PFDN1: variants seen among roughly 807,000 people sequenced by gnomAD.
The protein encoded by PFDN1 is prefoldin subunit 1, also known as prefoldin 1.
Under a neutral mutation model 17.3 loss-of-function variants are expected in PFDN1, and 6 were observed. The ratio of observed to expected loss-of-function variants is 0.35; its 90% CI spans 0.19 to 0.69. PFDN1 has a LOEUF of 0.69. PFDN1 is among the 30% of genes least tolerant of loss of function. The probability of loss-of-function intolerance (pLI) is 0.65; values close to 1 mark genes in which losing one functional copy is unlikely to be tolerated. For missense variants in PFDN1, 113 were observed against 146.2 expected (o/e 0.77, Z 1.17); for synonymous variants, 58 against 50.1 (o/e 1.16, Z -0.67).
chr5:140,278,292 G>A (rs1341790582), intron 3 of PFDN1, among the ~76,000 whole-genome samples: 1 of 151,772 alleles, frequency 6.6e-6, no homozygotes, highest in African/African-American at 2.4e-5. Flanking sequence ...CCCCAGTCAG[G>A]CATGGTGGCT....
intron 3 of PFDN1, among the ~76,000 whole-genome samples, chr5:140,263,315 G>A (rs1044688950): frequency 6.6e-6 from 1 of 152,124 alleles, no homozygotes; most frequent in Admixed American, 6.5e-5. Flanking sequence ...AGATTTGCAG[G>A]GTAAGTTCAT....
chr5:140,279,201 G>A (rs545328832), intron 3 of PFDN1, among the ~76,000 whole-genome samples: 28 of 152,084 alleles, frequency 1.8e-4, no homozygotes, highest in Non-Finnish European at 3.7e-4. Context: ...AAACCGTAGA[G>A]GTGACATTTG....
intron 3 of PFDN1, 135 bp downstream of exon 3, chr5:140,281,314 G>A (rs1321277451): frequency 3.4e-6 from 2 of 582,440 alleles, no homozygotes; most frequent in Admixed American, 3.0e-5. Context: ...CAGCTTCACG[G>A]CTCCAACGTA....
chr5:140,269,319 C>CTT (rs755675601), intron 3 of PFDN1, among the ~76,000 whole-genome samples: 5 of 139,486 alleles, frequency 3.6e-5, no homozygotes, highest in Non-Finnish European at 7.9e-5. Flanking sequence ...AGCCTTATAA[C>CTT]TTTTTTTTTT....
At chr5:140,257,064 A>C (rs932257835) in intron 3 of PFDN1, among the ~76,000 whole-genome samples, 1 of 152,074 alleles carries the variant, frequency 6.6e-6, no homozygotes, top group Non-Finnish European at 1.5e-5. Flanking sequence ...TCTACTAAAA[A>C]TAAAAAAAAT....
chr5:140,256,207 C>T (rs1400137320), intron 3 of PFDN1, among the ~76,000 whole-genome samples: 3 of 152,152 alleles, frequency 2.0e-5, no homozygotes, highest in African/African-American at 7.2e-5. Context: ...TCCCCATCTG[C>T]ACTCCCTCTT....
chr5:140,258,091 T>C (rs1223277933), intron 3 of PFDN1, among the ~76,000 whole-genome samples: 2 of 152,190 alleles, frequency 1.3e-5, no homozygotes, highest in Non-Finnish European at 2.9e-5. Context: ...CTGGTGAGGC[T>C]GAGTCAGATC....
intron 1 of PFDN1, among the ~76,000 whole-genome samples, chr5:140,302,257 G>A (rs970572375): frequency 2.0e-5 from 3 of 152,106 alleles, no homozygotes; most frequent in African/African-American, 4.8e-5. Context: ...TAAATTCTAG[G>A]GTCCTTTCCA....
At chr5:140,301,058 T>A (rs1739645909) in intron 1 of PFDN1, among the ~76,000 whole-genome samples, 1 of 152,238 alleles carries the variant, frequency 6.6e-6, no homozygotes. Flanking sequence ...AGTAATTCCA[T>A]GAGTTAGCAT....
intron 2 of PFDN1, among the ~76,000 whole-genome samples, chr5:140,283,391 C>T (rs1025703573): frequency 1.1e-4 from 16 of 152,170 alleles, no homozygotes; most frequent in African/African-American, 3.9e-4. Context: ...CACCACCACG[C>T]CTGGCTAATT....
At chr5:140,258,856 G>A (rs554200238) in intron 3 of PFDN1, among the ~76,000 whole-genome samples, 1 of 152,312 alleles carries the variant, frequency 6.6e-6, no homozygotes, top group African/African-American at 2.4e-5. Flanking sequence ...TGAAAAACTA[G>A]ATTGGCTCTG....
chr5:140,259,151 A>G (rs1386235375), intron 3 of PFDN1, among the ~76,000 whole-genome samples: 2 of 152,242 alleles, frequency 1.3e-5, no homozygotes, highest in African/African-American at 4.8e-5. Context: ...ACAACACGTC[A>G]GAAATGGTTG....
chr5:140,246,552 G>A (rs528350768), intron 3 of PFDN1, among the ~76,000 whole-genome samples: 2 of 152,204 alleles, frequency 1.3e-5, no homozygotes, highest in Admixed American at 6.5e-5. Context: ...GGGCTGTCTC[G>A]CATCGCACTG....
At chr5:140,300,149 C>T (rs1473418899) in intron 2 of PFDN1, among the ~76,000 whole-genome samples, 2 of 152,264 alleles carry the variant, frequency 1.3e-5, no homozygotes, top group African/African-American at 4.8e-5. Flanking sequence ...AAGCGACTCT[C>T]CTGCCTCAGC....
At chr5:140,286,079 T>C (rs1318610077) in intron 2 of PFDN1, among the ~76,000 whole-genome samples, 18 of 151,766 alleles carry the variant, frequency 1.2e-4, no homozygotes, top group Admixed American at 1.0e-3. Flanking sequence ...GATGTCAATA[T>C]AGTAAGTTAG....
chr5:140,261,754 G>A (rs1173847753), intron 3 of PFDN1, among the ~76,000 whole-genome samples: 1 of 152,020 alleles, frequency 6.6e-6, no homozygotes, highest in Admixed American at 6.6e-5. Context: ...TATCACCCAA[G>A]AAAATGCTGT....
intron 3 of PFDN1, among the ~76,000 whole-genome samples, chr5:140,259,274 T>C (rs1180931967): frequency 1.3e-5 from 2 of 152,214 alleles, no homozygotes; most frequent in Non-Finnish European, 2.9e-5. Flanking sequence ...ATTTTAACTG[T>C]TACAGATGAG....
intron 3 of PFDN1, among the ~76,000 whole-genome samples, chr5:140,267,377 A>G (rs6580473): frequency 0.47 from 71,662 of 152,116 alleles, 17,117 homozygotes; most frequent in South Asian, 0.71. Flanking sequence ...TTTAAAGATC[A>G]GCAGAAGACC....
rs1764953124 is a variant in PFDN1 at position 140,254,082 on chromosome 5, T to A, written c.286-8025A>T. ...TAATAAATATTTCAGGCTTTCACTGTGGGGTTATCTCTGTTACAACTACTC... is the reference window on the plus strand; with the variant it reads ...TAATAAATATTTCAGGCTTTCACTGAGGGGTTATCTCTGTTACAACTACTC... On this transcript the variant is annotated intron_variant, in intron 3 of 3. Transcript: ENST00000261813. The surrounding 1 kb of genome is among the most constrained non-coding windows in gnomAD (Gnocchi z 4.4). Among the ~76,000 whole-genome samples, 1 of 152,184 alleles carries A rather than the reference T, an allele frequency of 6.6e-6. No individual in the cohort carries two copies. The highest frequency in any genetic ancestry group is 1.5e-5 in the Non-Finnish European group (1 of 68,024).
Sources: gnomAD v4.1 joint callset for allele counts (sites outside exome capture counted in the v4.1 genomes callset) on GRCh38, gnomAD v4.1.1 for gene constraint, Gnocchi (gnomAD v3.1) non-coding constraint, MANE v1.5 for transcripts, NCBI Gene and HGNC (gene_info 2026-07-23, HGNC 2026-07-21) for gene names.